Variants in TNK2 observed in about 807,000 individuals in gnomAD.
The protein encoded by TNK2 is tyrosine kinase non receptor 2.
Under a neutral mutation model 101.8 loss-of-function variants are expected in TNK2, and 83 were observed. That is an observed-to-expected ratio of 0.82 (90% CI 0.68 to 0.98). TNK2 has a LOEUF of 0.98. Ranked by LOEUF, TNK2 falls within the 50% of genes least tolerant of loss-of-function variation. The pLI is 0.00. For missense variants in TNK2, 1,665 were observed against 1,483.2 expected (o/e 1.12, Z -2.01); for synonymous variants, 804 against 633.0 (o/e 1.27, Z -4.06).
At chr3:195,870,939 T>C (rs1399869873) in intron 10 of TNK2, among the ~76,000 whole-genome samples, 4 of 149,682 alleles carry the variant, frequency 2.7e-5, no homozygotes, top group Non-Finnish European at 3.0e-5. Context: ...GGGGGCCCGC[T>C]GTGTGGGTTC....
chr3:195,896,521 T>C (rs950703463), intron 1 of TNK2, among the ~76,000 whole-genome samples: 5 of 152,196 alleles, frequency 3.3e-5, no homozygotes, highest in African/African-American at 9.7e-5. Flanking sequence ...GGCATCTTAC[T>C]GCAGCTAAAG....
At chr3:195,872,592 C>T in intron 9 of TNK2, 122 bp from the exon 10 acceptor site, 1 of 1,043,812 alleles carries the variant, frequency 9.6e-7, no homozygotes, top group Non-Finnish European at 1.4e-6. Flanking sequence ...CAGGACCAGG[C>T]TGTGTGCCAC....
rs1283003124 is a variant in TNK2, at chr3:195,895,926, GC to G, written c.-18-7321del. ...CGCAGCTCGGCCCTGCGCTCAGCCG[GC>G]TCCGCGCCGCCTCCCAGCGCCCGCC... On this transcript the variant is annotated intron_variant, in intron 1 of 15. Coordinates refer to ENST00000672887, the MANE Select transcript of TNK2 (RefSeq NM_001382273.1). The G allele has an allele frequency of 9.2e-5, 15 of 162,810 alleles. No homozygotes were observed. The East Asian group carries it at 2.7e-3, about 29-fold the overall frequency. The allele number at this position is 162,810 out of a possible 1,614,324, so 10.1% of individuals were successfully genotyped here.
intron 1 of TNK2, among the ~76,000 whole-genome samples, chr3:195,890,575 C>A (rs922062638): frequency 5.9e-5 from 9 of 151,412 alleles, no homozygotes; most frequent in Admixed American, 1.3e-4. Flanking sequence ...CTCAGCCTCC[C>A]AAGAAGCTGG....
intron 1 of TNK2, among the ~76,000 whole-genome samples, chr3:195,895,018 G>A (rs1295527170): frequency 6.6e-6 from 1 of 152,138 alleles, no homozygotes; most frequent in African/African-American, 2.4e-5. Flanking sequence ...AAAGCCCAAC[G>A]GGCAGCTTTT....
intron 7 of TNK2, 33 bp downstream of exon 7, chr3:195,879,016 C>T (rs377414043): frequency 1.2e-6 from 2 of 1,608,642 alleles, no homozygotes; most frequent in Non-Finnish European, 1.7e-6. Context: ...TTCACCCCAC[C>T]AGCCCTATGG....
Position 195,867,686 on chromosome 3 carries a change from C to T in TNK2, c.2612G>A (p.Ser871Asn). The change falls in exon 13 of 16, where the codon AGC becomes AAC. Residue 871 changes from serine to asparagine, a missense_variant. Around this residue, in one of 3 missense-constraint regions of TNK2, gnomAD observed 1,136 missense variants for 894.9 expected, o/e 1.27. Transcript: ENST00000672887. ...CTCGGGCAGCAAGTAATAGTGGGTG[C>T]TGCTGACCTTCTTGCCATCCCGGAC... ...PIVRDGKKVS[S>N]THYYLLPERP... 1 of 1,608,674 alleles carries T rather than the reference C, an allele frequency of 6.2e-7. No individual in the cohort carries two copies. Among genetic ancestry groups the T allele is most frequent in the Non-Finnish European group, 8.5e-7 (1 of 1,179,288 alleles).
At chr3:195,893,570 GC>G (rs1759447690) in intron 1 of TNK2, among the ~76,000 whole-genome samples, 1 of 152,062 alleles carries the variant, frequency 6.6e-6, no homozygotes, top group Non-Finnish European at 1.5e-5. Context: ...CCCCCGTGGG[GC>G]CCTCATGTTT....
intron 9 of TNK2, among the ~76,000 whole-genome samples, chr3:195,873,249 G>A (rs1746684068): frequency 1.3e-5 from 2 of 152,224 alleles, no homozygotes; most frequent in Non-Finnish European, 2.9e-5. Context: ...CTGCTGATGT[G>A]GCCTAAGCCG....
rs9812155 is a variant in TNK2 at position 195,870,964 on chromosome 3, T to C, written c.1452-759A>G. Among the ~76,000 whole-genome samples the C allele has an allele frequency of 1.9e-3, 138 of 72,280 alleles. 1 individual carries two copies. The highest frequency in any genetic ancestry group is 0.011 in the Middle Eastern group (1 of 88). The allele number at this position is 72,280 out of a possible 152,430, so 47.4% of individuals were successfully genotyped here. A position where few individuals can be genotyped will look rare whatever the true frequency, so the allele number is the denominator to read the frequency against. On this transcript the variant is annotated intron_variant, in intron 10 of 15. Coordinates refer to ENST00000672887, the MANE Select transcript of TNK2 (RefSeq NM_001382273.1). ...TGTGTGGGTTCTGGTGTGGGGGGAC[T>C]CGCTGTGTGGGGTTCTGGTGTGTGG...
chr3:195,899,780 C>T (rs1049899628), intron 1 of TNK2, among the ~76,000 whole-genome samples: 2 of 152,162 alleles, frequency 1.3e-5, no homozygotes, highest in African/African-American at 4.8e-5. Context: ...ACCATCTGTC[C>T]ACATCTGTCG....
intron 1 of TNK2, among the ~76,000 whole-genome samples, chr3:195,903,407 C>G (rs1761423285): frequency 2.0e-5 from 3 of 152,186 alleles, no homozygotes; most frequent in Admixed American, 1.3e-4. Context: ...AAGGTATCTA[C>G]CCTTCTATTC....
chr3:195,872,391 C>T lies in TNK2; in HGVS notation c.1336G>A (p.Val446Met). The change falls in exon 10 of 16, where the codon GTG becomes ATG. Residue 446 changes from valine (V) to methionine (M), a missense_variant. Val to Met is a conservative substitution (Grantham distance 21). Transcript: ENST00000672887. ...GPFPRNVVTSVAGLSAQDISQ... is the reference protein window; with the variant it reads ...GPFPRNVVTSMAGLSAQDISQ... Reference sequence around the variant, plus strand: ...ATGTCCTGGGCCGACAGGCCGGCCACGGAGGTCACCACGTTGCGAGGGAAG... The same window carrying T: ...ATGTCCTGGGCCGACAGGCCGGCCATGGAGGTCACCACGTTGCGAGGGAAG... 7 of 1,613,330 alleles carry T rather than the reference C, an allele frequency of 4.3e-6. No homozygotes were observed. Among genetic ancestry groups the T allele is most frequent in the Non-Finnish European group, 5.9e-6 (7 of 1,179,872 alleles).
chr3:195,866,570 A>C (rs149338288), intron 15 of TNK2, among the ~76,000 whole-genome samples: 1 of 152,198 alleles, frequency 6.6e-6, no homozygotes. Context: ...GAGGTGTGCA[A>C]ATCATGGGGT....
chr3:195,881,504 T>C (rs1446311057), intron 6 of TNK2, among the ~76,000 whole-genome samples: 1 of 93,182 alleles, frequency 1.1e-5, no homozygotes, highest in Non-Finnish European at 2.0e-5. Flanking sequence ...CAACGCCCCT[T>C]GGAGAGGACA....
At chr3:195,872,870 G>C (rs1228375095) in intron 9 of TNK2, 1 of 190,522 alleles carries the variant, frequency 5.2e-6, no homozygotes, top group Non-Finnish European at 1.1e-5. Context: ...CAGTTCCCTG[G>C]CAAGGCCGGG....
In TNK2 at chr3:195,866,872, C is replaced by T. The variant is rs973580636; in HGVS notation, c.3161+17G>A. The T allele has an allele frequency of 1.2e-6, 2 of 1,608,084 alleles. No individual in the cohort carries two copies. Among genetic ancestry groups the T allele is most frequent in the Non-Finnish European group, 8.5e-7 (1 of 1,177,892 alleles). On this transcript the variant is annotated intron_variant, in intron 15 of 15. Coordinates refer to ENST00000672887, the MANE Select transcript of TNK2 (RefSeq NM_001382273.1). Reference sequence around the variant, plus strand: ...CTCCTGGGGCACGGAGCGGGGCAGACTGTGGGGCTCACTCACTTGTGGTGG... The same window carrying T: ...CTCCTGGGGCACGGAGCGGGGCAGATTGTGGGGCTCACTCACTTGTGGTGG...
intron 1 of TNK2, among the ~76,000 whole-genome samples, chr3:195,899,492 A>T (rs1316113259): frequency 6.6e-6 from 1 of 151,920 alleles, no homozygotes. Context: ...ACGCCCAGCT[A>T]ATTTTTATAT....
At chr3:195,895,123 T>C (rs1760060998) in intron 1 of TNK2, 2 of 916,590 alleles carry the variant, frequency 2.2e-6, no homozygotes, top group East Asian at 3.3e-5. Flanking sequence ...CTCTGTCCCC[T>C]GGCCCAGGAG....
Sources: gnomAD v4.1 joint callset for allele counts (sites outside exome capture counted in the v4.1 genomes callset) on GRCh38, gnomAD v4.1.1 for gene constraint, gnomAD v4.1.1 regional missense constraint, MANE v1.5 for transcripts, NCBI Gene and HGNC (gene_info 2026-07-23, HGNC 2026-07-21) for gene names.